Variants in S100PBP observed in about 807,000 individuals in gnomAD.
The protein encoded by S100PBP is S100P-binding protein.
A neutral mutation model predicts 39.9 loss-of-function variants in S100PBP; 15 were observed. That is an observed-to-expected ratio of 0.38 (90% confidence interval 0.25 to 0.58). The LOEUF (loss-of-function observed/expected upper bound fraction) is 0.58. Ranked by LOEUF, S100PBP falls within the 20% of genes least tolerant of loss-of-function variation. The pLI, the probability that S100PBP is intolerant of heterozygous loss-of-function variation, is 0.70. For missense variants in S100PBP, 504 were observed against 487.3 expected (o/e 1.03, Z -0.32); for synonymous variants, 178 against 180.3 (o/e 0.99, Z 0.10).
At chr1:32,819,649 G>C (rs1638952160) in intron 1 of S100PBP, among the ~76,000 whole-genome samples, 1 of 152,178 alleles carries the variant, frequency 6.6e-6, no homozygotes, top group African/African-American at 2.4e-5. Flanking sequence ...GGTGGTAGAT[G>C]GTAGACAGAG....
At chr1:32,830,674 A>G (rs1328911843) in intron 5 of S100PBP, among the ~76,000 whole-genome samples, 4 of 152,196 alleles carry the variant, frequency 2.6e-5, no homozygotes, top group Non-Finnish European at 1.5e-5. Flanking sequence ...GAAAGCTCCT[A>G]AAGGGGAGAC....
intron 5 of S100PBP, among the ~76,000 whole-genome samples, chr1:32,841,549 G>A (rs1640094748): frequency 6.6e-6 from 1 of 151,758 alleles, no homozygotes; most frequent in African/African-American, 2.4e-5. Flanking sequence ...GACCAACATG[G>A]AGAAAGCCCA....
intron 5 of S100PBP, among the ~76,000 whole-genome samples, chr1:32,841,330 A>G (rs926257820): frequency 6.6e-6 from 1 of 152,150 alleles, no homozygotes; most frequent in Non-Finnish European, 1.5e-5. Flanking sequence ...TCTAAAGAAC[A>G]TAATTCTTAG....
At chr1:32,818,059 C>G (rs1638835772) in intron 1 of S100PBP, 1 of 153,168 alleles carries the variant, frequency 6.5e-6, no homozygotes, top group South Asian at 2.0e-4. Flanking sequence ...GCGGGCTTTT[C>G]TGCCGCGTCT....
chr1:32,829,948 GT>G lies in S100PBP; in HGVS notation c.921-13del. On this transcript the variant is annotated splice_polypyrimidine_tract_variant and intron_variant, in intron 4 of 6. Coordinates refer to ENST00000373475, the MANE Select transcript of S100PBP (RefSeq NM_022753.4). ...TAATGGGCTGTTTTTCTTTTTTCTG[GT>G]TTGCTTTATTCAAGGACTAATGTTC... 6.3e-7 allele frequency: 1 copy of G among 1,590,630 alleles called. No individual in the cohort carries two copies. The highest frequency in any genetic ancestry group is 8.6e-7 in the Non-Finnish European group (1 of 1,160,442).
chr1:32,830,024 G>A lies in S100PBP; in HGVS notation c.981G>A (p.Arg327=). ...AACAGCAGAAGCAGCTTTATCTCAG[G>A]AGTGTCATTGCTCATATAGAAGACC... ...NLEQQKQLYL[R]SVIAHIEDPE... The change falls in exon 5 of 7, where the codon AGG becomes AGA. Residue 327 remains arginine, a synonymous_variant. Transcript: ENST00000373475. 11 of 1,613,862 alleles carry A rather than the reference G, an allele frequency of 6.8e-6. No homozygotes were observed. Among genetic ancestry groups the A allele is most frequent in the Non-Finnish European group, 9.3e-6 (11 of 1,179,838 alleles).
chr1:32,843,032 T>G (rs1232071837), intron 5 of S100PBP: 1 of 152,236 alleles, frequency 6.6e-6, no homozygotes, highest in Non-Finnish European at 1.5e-5. Flanking sequence ...GTGATGCTTT[T>G]GTAAAATGAT....
chr1:32,858,864 C>A lies in S100PBP; in HGVS notation c.*2826C>A, dbSNP rs1387577455. 1.3e-5 allele frequency: 2 copies of A among 151,876 alleles called. No individual in the cohort carries two copies. The highest frequency in any genetic ancestry group is 2.9e-5 in the Non-Finnish European group (2 of 68,008). 9.4% of individuals were successfully genotyped at this position (151,876 alleles called of 1,614,324 possible). A position where few individuals can be genotyped will look rare whatever the true frequency, so the allele number is the denominator to read the frequency against. On this transcript the variant is annotated 3_prime_UTR_variant, in exon 7 of 7. Transcript: ENST00000373475. ...ATGTCATTAAAAAGAAATAAAAGTTCTTTGTCAGTGACATATGTACTGTGG... is the reference window on the plus strand; with the variant it reads ...ATGTCATTAAAAAGAAATAAAAGTTATTTGTCAGTGACATATGTACTGTGG...
chr1:32,826,128 A>G lies in S100PBP; in HGVS notation c.29A>G (p.Gln10Arg). 2 of 1,613,500 alleles carry G rather than the reference A, an allele frequency of 1.2e-6. No individual in the cohort carries two copies. Among genetic ancestry groups the G allele is most frequent in the South Asian group, 1.1e-5 (1 of 91,036 alleles). Residue 10 changes from glutamine to arginine, a missense_variant, in exon 3 of 7, where the codon CAG becomes CGG. By Grantham distance (43) the Gln-to-Arg change is conservative (BLOSUM62 1). Transcript: ENST00000373475. ...ATGTGCTCACGGGTGCCCTCTGAACAGTCTTCTGGTACCTCTCTCTTGCCT... is the reference window on the plus strand; with the variant it reads ...ATGTGCTCACGGGTGCCCTCTGAACGGTCTTCTGGTACCTCTCTCTTGCCT... The part of the protein sequence containing the change: MMCSRVPSE[Q>R]SSGTSLLPKD...
rs763838290 is a variant in S100PBP, at chr1:32,829,967, T to C, written c.924T>C (p.Thr308=). 7 of 1,612,362 alleles carry C rather than the reference T, an allele frequency of 4.3e-6. No homozygotes were observed. Among genetic ancestry groups the C allele is most frequent in the South Asian group, 1.1e-5 (1 of 91,026 alleles). Residue 308 remains threonine (T), a synonymous_variant, in exon 5 of 7, where the codon ACT becomes ACC. Coordinates refer to ENST00000373475, the MANE Select transcript of S100PBP (RefSeq NM_022753.4). ...VIPVLQTKTR[T]NVPTFSQSNL... is the part of the protein sequence containing the mutation. ...TTTCTGGTTTGCTTTATTCAAGGAC[T>C]AATGTTCCGACGTTTTCACAGTCAA...
intron 5 of S100PBP, among the ~76,000 whole-genome samples, chr1:32,841,832 T>G (rs190462008): frequency 7.1e-4 from 108 of 152,148 alleles, no homozygotes; most frequent in African/African-American, 2.5e-3. Context: ...TCCTATGTTT[T>G]TTTCTAGAGG....
At chr1:32,826,029 A>T in intron 2 of S100PBP, 69 bp from the exon 3 acceptor site, 1 of 1,046,930 alleles carries the variant, frequency 9.6e-7, no homozygotes, top group Non-Finnish European at 1.4e-6. Flanking sequence ...CATTACCCAC[A>T]TATAGTGGAC....
chr1:32,821,680 G>C (rs2148631750), intron 1 of S100PBP, among the ~76,000 whole-genome samples: 1 of 150,278 alleles, frequency 6.7e-6, no homozygotes, highest in African/African-American at 2.5e-5. Context: ...TGTCACCCAG[G>C]CTGGAGTGTA....
At chr1:32,848,820 A>G (rs1431890041) in intron 5 of S100PBP, among the ~76,000 whole-genome samples, 2 of 152,204 alleles carry the variant, frequency 1.3e-5, no homozygotes, top group Admixed American at 1.3e-4. Context: ...TGAATTGTTG[A>G]CGTCATTCCT....
intron 5 of S100PBP, chr1:32,847,744 C>T (rs1640441474): frequency 6.6e-6 from 1 of 151,864 alleles, no homozygotes; most frequent in Non-Finnish European, 1.5e-5. Context: ...GCATTCTTGC[C>T]TTCTACTTAT....
intron 1 of S100PBP, among the ~76,000 whole-genome samples, chr1:32,824,620 C>T (rs1035985245): frequency 8.7e-5 from 13 of 150,276 alleles, no homozygotes; most frequent in Admixed American, 3.3e-4. Flanking sequence ...TGGAGTGCAG[C>T]GATATGATGA....
In S100PBP at chr1:32,858,214, C is replaced by T. The variant is rs1300351715; in HGVS notation, c.*2176C>T. The T allele has an allele frequency of 6.6e-6, 1 of 152,658 alleles. No individual in the cohort carries two copies. Among genetic ancestry groups the T allele is most frequent in the Non-Finnish European group, 1.5e-5 (1 of 68,042 alleles). The allele number at this position is 152,658 out of a possible 1,614,324, so 9.5% of individuals were successfully genotyped here. Reference sequence around the variant, plus strand: ...CCTAGGCAAAAATCTAAGACTCGTGCCCTCCTGGTACATGGGGTTTTAAGA... The same window carrying T: ...CCTAGGCAAAAATCTAAGACTCGTGTCCTCCTGGTACATGGGGTTTTAAGA... On this transcript the variant is annotated 3_prime_UTR_variant, in exon 7 of 7. Coordinates refer to ENST00000373475, the MANE Select transcript of S100PBP (RefSeq NM_022753.4).
At chr1:32,846,508 CCTGA>C (rs1640385198) in intron 5 of S100PBP, among the ~76,000 whole-genome samples, 1 of 151,854 alleles carries the variant, frequency 6.6e-6, no homozygotes, top group African/African-American at 2.4e-5. Context: ...TCCATCTTTC[CCTGA>C]CTCATTTAAT....
intron 5 of S100PBP, among the ~76,000 whole-genome samples, chr1:32,850,742 G>A (rs1640575028): frequency 6.6e-6 from 1 of 152,122 alleles, no homozygotes. Context: ...GTTTCATTTG[G>A]TCGTGCTTTT....
Sources: gnomAD v4.1 joint callset for allele counts (sites outside exome capture counted in the v4.1 genomes callset) on GRCh38, gnomAD v4.1.1 for gene constraint, MANE v1.5 for transcripts, NCBI Gene and HGNC (gene_info 2026-07-23, HGNC 2026-07-21) for gene names.